The following SULT1E1 variants were observed in gnomAD, a reference collection of about 807,000 sequenced individuals.
SULT1E1 encodes the protein sulfotransferase family 1E member 1.
A neutral mutation model predicts 33.6 loss-of-function variants in SULT1E1; 36 were observed. The ratio of observed to expected loss-of-function variants is 1.07; its 90% CI spans 0.82 to 1.41. The LOEUF is 1.41. Among genes scored for constraint, SULT1E1 ranks in the 40% most tolerant of loss-of-function variants. The probability of loss-of-function intolerance (pLI) is 0.00; values close to 1 mark genes in which losing one functional copy is unlikely to be tolerated. For synonymous variants in SULT1E1, 121 were observed against 111.7 expected, an observed-to-expected ratio of 1.08 and a Z score of -0.53; for missense variants, 371 against 345.7, an observed-to-expected ratio of 1.07 and a Z score of -0.58.
intron 6 of SULT1E1, 39 bp from the exon 7 acceptor site, chr4:69,844,380 A>C: frequency 1.3e-5 from 20 of 1,486,552 alleles, no homozygotes; most frequent in Non-Finnish European, 1.7e-5. Context: ...AATTGCTAAA[A>C]CTGAATAAAT....
At chr4:69,836,915 A>G (rs1720806181), downstream of SULT1E1, among the ~76,000 whole-genome samples, 1 of 152,192 alleles carries the variant, frequency 6.6e-6, no homozygotes, top group South Asian at 2.1e-4. Context: ...ATTTTGTAAA[A>G]TAACAAGTAG....
Position 69,841,856 on chromosome 4 carries a change from A to C in SULT1E1, c.*138T>G, listed in dbSNP as rs1418452376. 2 of 547,282 alleles carry C rather than the reference A, an allele frequency of 3.7e-6. No homozygotes were observed. Among genetic ancestry groups the C allele is most frequent in the Non-Finnish European group, 6.2e-6 (2 of 323,250 alleles). 33.9% of individuals were successfully genotyped at this position (547,282 alleles called of 1,614,324 possible). ...ACTCTGTCTCAAAAAAAAAAAAAAA[A>C]AGTTAAACAAAAATTTAAAAAGAAA... On this transcript the variant is annotated 3_prime_UTR_variant, in exon 8 of 8. Transcript: ENST00000226444.
chr4:69,839,757 C>A (rs1468633381), downstream of SULT1E1, among the ~76,000 whole-genome samples: 1 of 152,144 alleles, frequency 6.6e-6, no homozygotes, highest in East Asian at 1.9e-4. Context: ...GTAAGCCCAG[C>A]TCCAGGAAGA....
intron 2 of SULT1E1, among the ~76,000 whole-genome samples, chr4:69,856,420 G>A (rs1212201081): frequency 1.3e-5 from 2 of 152,164 alleles, no homozygotes; most frequent in African/African-American, 4.8e-5. Flanking sequence ...GCGGAGGAGG[G>A]ATCAATAGAA....
chr4:69,841,936 T>G lies in SULT1E1; in HGVS notation c.*58A>C. 1.1e-6 allele frequency: 1 copy of G among 899,634 alleles called. No homozygotes were observed. The highest frequency in any genetic ancestry group is 2.5e-5 in the Admixed American group (1 of 40,136). The allele number at this position is 899,634 out of a possible 1,614,324, so 55.7% of individuals were successfully genotyped here. On this transcript the variant is annotated 3_prime_UTR_variant, in exon 8 of 8. Transcript: ENST00000226444. ...TCTAGCAATCTAAAATAAGAAAAAG[T>G]GGAGAATAATGAAAAGAAATCTTTA...
intron 4 of SULT1E1, among the ~76,000 whole-genome samples, chr4:69,850,307 A>G (rs1419453319): frequency 6.6e-6 from 1 of 152,038 alleles, no homozygotes; most frequent in Non-Finnish European, 1.5e-5. Flanking sequence ...GTTACACGAA[A>G]AGATCTGTGA....
At chr4:69,825,004 G>A in the SULT1E1 span, among the ~76,000 whole-genome samples, 5 of 152,174 alleles carry the variant, frequency 3.3e-5, 1 homozygote, top group Non-Finnish European at 7.3e-5. Context: ...CACTGTGAAG[G>A]TCTGCAGCTT....
At chr4:69,848,087 GGTGTGTGTGTGT>G (rs3077575) in intron 5 of SULT1E1, among the ~76,000 whole-genome samples, 1 of 148,258 alleles carries the variant, frequency 6.7e-6, no homozygotes, top group African/African-American at 2.5e-5. Context: ...TGTTGAAACT[GGTGTGTGTGTGT>G]GTGTGTGTGT....
chr4:69,821,851 G>C, the SULT1E1 span, among the ~76,000 whole-genome samples: 4 of 152,068 alleles, frequency 2.6e-5, no homozygotes, highest in Non-Finnish European at 5.9e-5. Context: ...TAAAGCTTTT[G>C]GGTAAATGGG....
At chr4:69,847,835 T>A (rs776729956) in intron 5 of SULT1E1, 43 bp from the exon 6 acceptor site, 1 of 1,271,482 alleles carries the variant, frequency 7.9e-7, no homozygotes, top group Non-Finnish European at 1.1e-6. Context: ...GTATCATCTC[T>A]AAAACTGCTC....
In SULT1E1 at chr4:69,857,371, T is replaced by A. The variant is rs558665073; in HGVS notation, c.145+129A>T. 7.0e-5 allele frequency: 81 copies of A among 1,162,462 alleles called. No homozygotes were observed. The East Asian group carries it at 2.0e-3, about 29-fold the overall frequency. 72.0% of individuals were successfully genotyped at this position (1,162,462 alleles called of 1,614,324 possible). On this transcript the variant is annotated intron_variant, in intron 2 of 7. Coordinates refer to ENST00000226444, the MANE Select transcript of SULT1E1 (RefSeq NM_005420.3). The stretch of plus-strand genomic sequence containing the variant: ...ATGGAATAGAGCTACCTTTTCTATG[T>A]CCATATCAAAACTACCGCATCTGTT...
the SULT1E1 span, among the ~76,000 whole-genome samples, chr4:69,828,157 T>A: frequency 2.0e-5 from 3 of 152,206 alleles, no homozygotes; most frequent in African/African-American, 7.2e-5. Context: ...TGGTGAGGCC[T>A]TCTCAGTGTT....
At chr4:69,844,699 A>G (rs564469211) in intron 6 of SULT1E1, among the ~76,000 whole-genome samples, 1 of 152,278 alleles carries the variant, frequency 6.6e-6, no homozygotes, top group South Asian at 2.1e-4. Flanking sequence ...ATAAAGATAT[A>G]CAGGCAATTT....
intron 5 of SULT1E1, 71 bp downstream of exon 5, chr4:69,849,366 C>G (rs755723061): frequency 2.6e-6 from 4 of 1,555,640 alleles, no homozygotes; most frequent in Non-Finnish European, 3.5e-6. Context: ...CAGTTAAAAA[C>G]TTTTACTTGG....
At chr4:69,825,050 G>A in the SULT1E1 span, among the ~76,000 whole-genome samples, 1 of 152,060 alleles carries the variant, frequency 6.6e-6, no homozygotes, top group Admixed American at 6.5e-5. Context: ...AACCCACCAG[G>A]AGGAACAAAC....
rs4149528 is a variant in SULT1E1, at chr4:69,858,335, T to C, written c.-9-682A>G. On this transcript the variant is annotated intron_variant, in intron 1 of 7. Coordinates refer to ENST00000226444, the MANE Select transcript of SULT1E1 (RefSeq NM_005420.3). ...CATTGAATGACTTGGCTAAAAATGATAAGGTTAAGCAAGATGGTTATCATT... is the reference window on the plus strand; with the variant it reads ...CATTGAATGACTTGGCTAAAAATGACAAGGTTAAGCAAGATGGTTATCATT... 9.3e-3 allele frequency among the ~76,000 whole-genome samples: 1,417 copies of C among 152,268 alleles called. 21 individuals are homozygous for C. The highest frequency in any genetic ancestry group is 0.06 in the East Asian group (311 of 5,184).
intron 5 of SULT1E1, 27 bp downstream of exon 5, chr4:69,849,410 A>C (rs776589533): frequency 6.2e-7 from 1 of 1,601,924 alleles, no homozygotes; most frequent in South Asian, 1.1e-5. Context: ...CTTGAAAAAA[A>C]ATTCAGTGTA....
At chr4:69,826,776 G>A in the SULT1E1 span, among the ~76,000 whole-genome samples, 5,968 of 152,172 alleles carry the variant, frequency 0.039, 389 homozygotes, top group African/African-American at 0.14. Flanking sequence ...TTCTGTAAGA[G>A]GGAAGGCAAA....
At chr4:69,828,506 G>A in the SULT1E1 span, among the ~76,000 whole-genome samples, 1 of 152,152 alleles carries the variant, frequency 6.6e-6, no homozygotes, top group Non-Finnish European at 1.5e-5. Context: ...AAACCCACCA[G>A]AAGGAAGAAA....
Sources: allele counts gnomAD v4.1 joint callset (sites outside exome capture counted in the v4.1 genomes callset), GRCh38; gene constraint gnomAD v4.1.1; transcripts MANE v1.5; gene names NCBI Gene and HGNC (gene_info 2026-07-23, HGNC 2026-07-21).